The following SYCE1 variants were observed in gnomAD, a reference collection of about 807,000 sequenced individuals.
The protein encoded by SYCE1 is cancer/testis antigen 76.
Under a neutral mutation model 55.1 loss-of-function variants are expected in SYCE1, and 37 were observed. That is an observed-to-expected ratio of 0.67 (90% CI 0.52 to 0.88). The LOEUF (loss-of-function observed/expected upper bound fraction) is 0.88. Ranked by LOEUF, SYCE1 falls within the 40% of genes least tolerant of loss-of-function variation. The probability of loss-of-function intolerance (pLI) is 0.00; values close to 1 mark genes in which losing one functional copy is unlikely to be tolerated. For synonymous variants in SYCE1, 163 were observed against 159.4 expected, an observed-to-expected ratio of 1.02 and a Z score of -0.17; for missense variants, 399 against 416.4, an observed-to-expected ratio of 0.96 and a Z score of 0.36.
Position 133,565,491 on chromosome 10 carries a change from G to C in SYCE1, c.39C>G (p.Thr13=), listed in dbSNP as rs969779247. 1 of 1,550,092 alleles carries C rather than the reference G, an allele frequency of 6.5e-7. No individual in the cohort carries two copies. Among genetic ancestry groups the C allele is most frequent in the Non-Finnish European group, 8.7e-7 (1 of 1,146,790 alleles). The change falls in exon 1 of 13, where the codon ACC becomes ACG. Residue 13 remains threonine (T), a synonymous_variant. Coordinates refer to ENST00000343131, the MANE Select transcript of SYCE1 (RefSeq NM_001143764.3). ...TCTCAGCCCTGTCCACGGCTCCTGC[G>C]GTGGGCTCGGCCTTCGATGTCAGGG... is the stretch of plus-strand genomic sequence containing the variant. The part of the protein sequence containing the change: ...GRSLTSKAEP[T]AGAVDRAEKA...
At chr10:133,566,764 CAGTTTAGGGTAAGGGGTTAG>C (rs1194980144), upstream of SYCE1, among the ~76,000 whole-genome samples, 2 of 147,652 alleles carry the variant, frequency 1.4e-5, no homozygotes, top group African/African-American at 5.0e-5. Flanking sequence ...TTAGGGGTTA[CAGTTTAGGGTAAGGGGTTAG>C]AGTTAAGGGT....
upstream of SYCE1, among the ~76,000 whole-genome samples, chr10:133,565,995 C>T (rs1278666778): frequency 6.6e-6 from 1 of 152,220 alleles, no homozygotes; most frequent in African/African-American, 2.4e-5. Flanking sequence ...AGTGCACGGG[C>T]CCCAGCGAGT....
At chr10:133,554,392 T>C (rs1851600977), downstream of SYCE1, 1 of 1,465,062 alleles carries the variant, frequency 6.8e-7, no homozygotes, top group Admixed American at 1.7e-5. Context: ...GATGCAGACT[T>C]TGACTCCCAC....
intron 4 of SYCE1, 48 bp from the exon 5 acceptor site, chr10:133,558,262 C>T (rs1245168652): frequency 6.2e-7 from 1 of 1,600,518 alleles, no homozygotes; most frequent in Admixed American, 1.7e-5. Flanking sequence ...GCACTGCACC[C>T]TCAGGGATGG....
chr10:133,561,310 AG>A, intron 1 of SYCE1: 1 of 152,330 alleles, frequency 6.6e-6, no homozygotes, highest in African/African-American at 2.4e-5. Context: ...ATATCCTATC[AG>A]TGCTTGCTAG....
downstream of SYCE1, chr10:133,554,691 G>T: frequency 1.3e-6 from 1 of 775,488 alleles, no homozygotes; most frequent in Non-Finnish European, 2.2e-6. Flanking sequence ...CTGTAATGAA[G>T]GAATTGAAGA....
intron 1 of SYCE1, chr10:133,560,605 C>G (rs527923303): frequency 1.1e-3 from 169 of 152,912 alleles, no homozygotes; most frequent in South Asian, 2.9e-3. Flanking sequence ...TACAAACAAG[C>G]TTTCCTACAT....
intron 11 of SYCE1, 36 bp from the exon 12 acceptor site, chr10:133,555,474 G>C: frequency 6.2e-7 from 1 of 1,613,174 alleles, no homozygotes; most frequent in Non-Finnish European, 8.5e-7. Context: ...GAAGGAAGAG[G>C]AGGAAAGGGT....
rs1564854985 is a variant in SYCE1, at chr10:133,555,614, C to T, written c.813G>A (p.Gln271=). 3 of 1,606,098 alleles carry T rather than the reference C, an allele frequency of 1.9e-6. No homozygotes were observed. The highest frequency in any genetic ancestry group is 1.7e-4 in the Middle Eastern group (1 of 6,054). ...ACACGCACCTCTGCCGCTTCTGCTG[C>T]TGTTGTTGGCACTTCTGCTGCAGCT... The part of the protein sequence containing the change: ...HQQLQQKCQQ[Q]QQKRQRLKEE... Residue 271 remains glutamine (Q), a synonymous_variant, in exon 11 of 13, where the codon CAG becomes CAA. Transcript: ENST00000343131.
chr10:133,566,279 C>A (rs1014458788), upstream of SYCE1, among the ~76,000 whole-genome samples: 6 of 152,212 alleles, frequency 3.9e-5, no homozygotes, highest in African/African-American at 1.4e-4. Flanking sequence ...TTGTGAAGAG[C>A]CAGGGGAAGA....
chr10:133,560,087 C>A lies in SYCE1; in HGVS notation c.136+4G>T, dbSNP rs3813873. On this transcript the variant is annotated splice_donor_region_variant and intron_variant, in intron 2 of 12. Coordinates refer to ENST00000343131, the MANE Select transcript of SYCE1 (RefSeq NM_001143764.3). ...CTGTGCCTCACACAAAGGAGACACA[C>A]GACCTTTCTGCAGCTTTTGCACCAT... The A allele has an allele frequency of 1.2e-6, 2 of 1,613,480 alleles. No homozygotes were observed. Among genetic ancestry groups the A allele is most frequent in the Non-Finnish European group, 1.7e-6 (2 of 1,179,706 alleles).
chr10:133,567,558 T>C (rs1237815583), upstream of SYCE1, among the ~76,000 whole-genome samples: 1 of 152,012 alleles, frequency 6.6e-6, no homozygotes, highest in Non-Finnish European at 1.5e-5. Flanking sequence ...GGTTAGCACC[T>C]AACGTTTTCC....
At chr10:133,565,724 C>A (rs769925513), upstream of SYCE1, 12 of 582,168 alleles carry the variant, frequency 2.1e-5, no homozygotes, top group South Asian at 2.8e-4. Flanking sequence ...GGGCTACAAA[C>A]GCGGCGGGAA....
intron 3 of SYCE1, 141 bp downstream of exon 3, chr10:133,559,160 C>T: frequency 2.0e-6 from 2 of 1,004,102 alleles, no homozygotes; most frequent in Non-Finnish European, 3.1e-6. Context: ...CTGAAATGCC[C>T]TGTACTTAAT....
At position 133,555,039 on chromosome 10, in the gene SYCE1, G is replaced by A. The variant is rs9629997; in HGVS notation, c.1009C>T (p.Pro337Ser). Residue 337 changes from proline to serine, a missense_variant, in exon 13 of 13, where the codon CCC (proline) becomes TCC (serine). Transcript: ENST00000343131. Reference sequence around the variant, plus strand: ...TGAAAGCCCCTTGGGCTAAGGTCGGGGTGGAGTGTGTCCTCCTGGCCTATG... The same window carrying A: ...TGAAAGCCCCTTGGGCTAAGGTCGGAGTGGAGTGTGTCCTCCTGGCCTATG... ...VLIGQEDTLH[P>S]DLSPRGFQEI... is the part of the protein sequence containing the mutation. 1 of 1,551,298 alleles carries A rather than the reference G, an allele frequency of 6.4e-7. No homozygotes were observed. The highest frequency in any genetic ancestry group is 1.2e-5 in the South Asian group (1 of 84,036).
chr10:133,555,312 A>G (rs761738402), intron 12 of SYCE1, 39 bp downstream of exon 12: 7 of 1,610,916 alleles, frequency 4.3e-6, no homozygotes, highest in Non-Finnish European at 5.1e-6. Context: ...TCCCTTCAGT[A>G]GCTGTTTCTG....
Position 133,555,662 on chromosome 10 carries a change from T to C in SYCE1, c.765A>G (p.Ala255=), listed in dbSNP as rs571020186. The change falls in exon 11 of 13, where the codon GCA becomes GCG. Residue 255 remains alanine, a synonymous_variant. Coordinates refer to ENST00000343131, the MANE Select transcript of SYCE1 (RefSeq NM_001143764.3). ...GCTGCTGGTGGCGCTGGGCAGCAGCTGCTAGGAGCTCCTCAGCCTTCCTGT... is the reference window on the plus strand; with the variant it reads ...GCTGCTGGTGGCGCTGGGCAGCAGCCGCTAGGAGCTCCTCAGCCTTCCTGT... The part of the protein sequence containing the change: ...EEHRKAEELL[A]AAAQRHQQLQ... 6.2e-7 allele frequency: 1 copy of C among 1,604,834 alleles called. No individual in the cohort carries two copies. Among genetic ancestry groups the C allele is most frequent in the South Asian group, 1.1e-5 (1 of 91,078 alleles).
intron 1 of SYCE1, among the ~76,000 whole-genome samples, chr10:133,562,373 T>G (rs1205447424): frequency 2.0e-5 from 3 of 150,276 alleles, no homozygotes; most frequent in Non-Finnish European, 4.4e-5. Flanking sequence ...TTGTGTTTTT[T>G]GGGCAAAAGT....
upstream of SYCE1, chr10:133,565,694 G>C: frequency 1.5e-6 from 1 of 654,812 alleles, no homozygotes; most frequent in Non-Finnish European, 2.5e-6. Context: ...TGGCACTAGT[G>C]CGCATGCGTA....
Sources: allele counts gnomAD v4.1 joint callset (sites outside exome capture counted in the v4.1 genomes callset), GRCh38; gene constraint gnomAD v4.1.1; transcripts MANE v1.5; gene names NCBI Gene and HGNC (gene_info 2026-07-23, HGNC 2026-07-21).